Variants in DGCR8 observed in about 807,000 individuals in gnomAD.
The protein encoded by DGCR8 is microprocessor complex subunit DGCR8.
In DGCR8, 14 loss-of-function variants were observed where a neutral mutation model predicts 78.5. The ratio of observed to expected loss-of-function variants is 0.18; its 90% confidence interval spans 0.12 to 0.28. DGCR8 has a LOEUF of 0.28. Among genes scored for constraint, DGCR8 ranks in the 10% least tolerant of loss-of-function variants. DGCR8 has a pLI of 1.00. For synonymous variants in DGCR8, 399 were observed against 402.4 expected, an observed-to-expected ratio of 0.99 and a Z score of 0.10; for missense variants, 702 against 1,022.5, an observed-to-expected ratio of 0.69 and a Z score of 4.28.
At chr22:20,107,050 G>C (rs1013613513) in intron 11 of DGCR8, 12 of 592,146 alleles carry the variant, frequency 2.0e-5, no homozygotes, top group Non-Finnish European at 3.6e-5. Context: ...TTGAGTGGTA[G>C]TGTCCTCAGC....
At chr22:20,081,080 G>T (rs536165268) in intron 1 of DGCR8, among the ~76,000 whole-genome samples, 4 of 152,338 alleles carry the variant, frequency 2.6e-5, no homozygotes, top group African/African-American at 9.6e-5. Flanking sequence ...AAACCCTGCT[G>T]CAGGCCTTCA....
At chr22:20,098,083 C>T (rs1239681813) in intron 9 of DGCR8, among the ~76,000 whole-genome samples, 21 of 148,410 alleles carry the variant, frequency 1.4e-4, no homozygotes, top group African/African-American at 4.0e-4. Context: ...GCTGATACTG[C>T]GCCACTGTGC....
intron 9 of DGCR8, chr22:20,102,127 A>G (rs757852699): frequency 6.4e-6 from 6 of 944,196 alleles, no homozygotes; most frequent in African/African-American, 1.8e-5. Flanking sequence ...AGTTAAATTC[A>G]CTTTTTGGTA....
chr22:20,106,154 C>T, intron 9 of DGCR8, 23 bp from the exon 10 acceptor site: 1 of 1,610,240 alleles, frequency 6.2e-7, no homozygotes, highest in East Asian at 2.2e-5. Flanking sequence ...TGGGGACTCA[C>T]AAGCCTCTGC....
chr22:20,086,790 A>G lies in DGCR8; in HGVS notation c.720+107A>G. ...GGGAAATTAAAAAAAAAAAAAACAA[A>G]AACCAAAATCCCCTCTGAGGTGGAA... On this transcript the variant is annotated intron_variant, in intron 2 of 13. Transcript: ENST00000351989. This position sits in a 1 kb window ranked among gnomAD's most constrained non-coding sequence, Gnocchi z 6.4. 7.7e-7 allele frequency: 1 copy of G among 1,305,474 alleles called. No individual in the cohort carries two copies. The highest frequency in any genetic ancestry group is 1.5e-5 in the South Asian group (1 of 68,416). 80.9% of individuals were successfully genotyped at this position (1,305,474 alleles called of 1,614,324 possible).
In DGCR8 at chr22:20,111,706, G is replaced by GCCCCCCCCCCCCCCCCCCC. The variant is rs71717697; in HGVS notation, c.*1614_*1615insCCCCCCCCCCCCCCCCCCC. On this transcript the variant is annotated 3_prime_UTR_variant, in exon 14 of 14. Transcript: ENST00000351989. ...TGCCATACTCTTGTGGTCTCTGTGC[G>GCCCCCCCCCCCCCCCCCCC]CCCCCCCCCCCCCCCCACCCGTCTG... The GCCCCCCCCCCCCCCCCCCC allele has an allele frequency of 2.7e-4, 17 of 63,038 alleles. 8 individuals carry two copies. Among genetic ancestry groups the GCCCCCCCCCCCCCCCCCCC allele is most frequent in the Non-Finnish European group, 4.8e-4 (16 of 33,560 alleles). The allele number at this position is 63,038 out of a possible 1,614,324, so 3.9% of individuals were successfully genotyped here.
At chr22:20,102,055 T>G in intron 9 of DGCR8, 1 of 985,358 alleles carries the variant, frequency 1.0e-6, no homozygotes, top group African/African-American at 1.7e-5. Flanking sequence ...GCTATTAAAT[T>G]TAGGTATTAG....
chr22:20,109,255 T>C, intron 13 of DGCR8: 1 of 396,448 alleles, frequency 2.5e-6, no homozygotes, highest in East Asian at 5.5e-5. Flanking sequence ...GTCACAGTCT[T>C]GGTGGGCCAC....
rs776415767 is a variant in DGCR8, at chr22:20,086,049, C to T, written c.86C>T (p.Ala29Val). The change falls in exon 2 of 14, where the codon GCG becomes GTG. Residue 29 changes from alanine to valine, a missense_variant. By Grantham distance (64) the Ala-to-Val change is moderately conservative. Transcript: ENST00000351989. The surrounding 1 kb of genome is among the most constrained non-coding windows in gnomAD (Gnocchi z 6.4). ...VMESRARPFQ[A>V]LPREQSPPPP... is the part of the protein sequence containing the mutation. Reference sequence around the variant, plus strand: ...GAGAGCCGAGCTCGCCCCTTCCAAGCGCTGCCCCGTGAGCAGTCTCCACCA... The same window carrying T: ...GAGAGCCGAGCTCGCCCCTTCCAAGTGCTGCCCCGTGAGCAGTCTCCACCA... The T allele has an allele frequency of 1.1e-5, 18 of 1,613,984 alleles. No homozygotes were observed. Among genetic ancestry groups the T allele is most frequent in the Middle Eastern group, 1.6e-4 (1 of 6,062 alleles).
chr22:20,080,447 C>T, intron 1 of DGCR8, 64 bp downstream of exon 1: 1 of 979,690 alleles, frequency 1.0e-6, no homozygotes, highest in South Asian at 4.7e-5. Flanking sequence ...TGCGCGAGGG[C>T]GCGCCCTTCC....
intron 9 of DGCR8, among the ~76,000 whole-genome samples, chr22:20,102,520 T>G (rs2049715798): frequency 6.6e-6 from 1 of 152,232 alleles, no homozygotes; most frequent in Admixed American, 6.5e-5. Context: ...TCCAGGTCTG[T>G]GTGTGATGGG....
intron 9 of DGCR8, among the ~76,000 whole-genome samples, chr22:20,102,828 G>T (rs943483089): frequency 6.6e-6 from 1 of 152,144 alleles, no homozygotes; most frequent in Non-Finnish European, 1.5e-5. Context: ...GAAACAATAT[G>T]TCAGTTTCTA....
At chr22:20,098,274 C>T (rs188106030) in intron 9 of DGCR8, among the ~76,000 whole-genome samples, 1 of 152,188 alleles carries the variant, frequency 6.6e-6, no homozygotes, top group Admixed American at 6.5e-5. Flanking sequence ...GACAGACGTG[C>T]CACTGTGCTG....
intron 1 of DGCR8, chr22:20,080,611 C>A: frequency 2.2e-6 from 1 of 459,514 alleles, no homozygotes; most frequent in Non-Finnish European, 2.9e-6. Context: ...TGCCGACTCT[C>A]GTCGCTGTCC....
At position 20,089,718 on chromosome 22, in the gene DGCR8, A is replaced by T. The variant is rs756306808; in HGVS notation, c.930A>T (p.Thr310=). Residue 310 remains threonine (T), a synonymous_variant, in exon 4 of 14, where the codon ACA becomes ACT. Coordinates refer to ENST00000351989, the MANE Select transcript of DGCR8 (RefSeq NM_022720.7). This position sits in a 1 kb window ranked among gnomAD's most constrained non-coding sequence, Gnocchi z 4.9. ...CGCTGCCCGACGGGTGGATCATGAC[A>T]TTCCATAACTCTGGAGTCCCGGTGT... ...TEPLPDGWIM[T]FHNSGVPVYL... is the part of the protein sequence containing the mutation. 1 of 1,613,620 alleles carries T rather than the reference A, an allele frequency of 6.2e-7. No individual in the cohort carries two copies. Among genetic ancestry groups the T allele is most frequent in the East Asian group, 2.2e-5 (1 of 44,834 alleles).
chr22:20,088,235 G>A (rs888702577), intron 3 of DGCR8, among the ~76,000 whole-genome samples: 4 of 152,194 alleles, frequency 2.6e-5, no homozygotes, highest in Non-Finnish European at 5.9e-5. Context: ...TGGTCTAGAC[G>A]GTTGCAGGCA....
chr22:20,091,195 G>A (rs1681973614), intron 5 of DGCR8, among the ~76,000 whole-genome samples: 1 of 152,180 alleles, frequency 6.6e-6, no homozygotes, highest in Non-Finnish European at 1.5e-5. Context: ...TTTCATTTTT[G>A]TATTCTTCCT....
intron 8 of DGCR8, 53 bp downstream of exon 8, chr22:20,092,960 C>CCCTAACCAAGCAGCGAG: frequency 6.8e-7 from 1 of 1,477,020 alleles, no homozygotes; most frequent in Non-Finnish European, 9.4e-7. Flanking sequence ...GTGTCTGCCT[C>CCCTAACCAAGCAGCGAG]GCTGCTTGGT....
At chr22:20,106,077 G>A (rs547812058) in intron 9 of DGCR8, 100 bp from the exon 10 acceptor site, 1 of 898,496 alleles carries the variant, frequency 1.1e-6, no homozygotes, top group South Asian at 1.4e-5. Flanking sequence ...GAGCTCACAA[G>A]AACAGACATT....
Sources: allele counts gnomAD v4.1 joint callset (sites outside exome capture counted in the v4.1 genomes callset), GRCh38; gene constraint gnomAD v4.1.1; non-coding constraint Gnocchi (gnomAD v3.1); transcripts MANE v1.5; gene names NCBI Gene and HGNC (gene_info 2026-07-23, HGNC 2026-07-21).